Variants in LARGE1 observed in about 807,000 individuals in gnomAD.
LARGE1 encodes the protein xylosyl- and glucuronyltransferase LARGE1.
In LARGE1, 43 loss-of-function variants were observed where a neutral mutation model predicts 87.6. The ratio of observed to expected loss-of-function variants is 0.49; its 90% CI spans 0.38 to 0.63. LARGE1 has a LOEUF of 0.63. Among genes scored for constraint, LARGE1 ranks in the 30% least tolerant of loss-of-function variants. The probability of loss-of-function intolerance (pLI) is 0.00; values close to 1 mark genes in which losing one functional copy is unlikely to be tolerated. For synonymous variants in LARGE1, 434 were observed against 394.6 expected, an observed-to-expected ratio of 1.10 and a Z score of -1.18; for missense variants, 802 against 1,000.2, an observed-to-expected ratio of 0.80 and a Z score of 2.67.
intron 6 of LARGE1, among the ~76,000 whole-genome samples, chr22:33,561,147 C>G (rs1366643491): frequency 1.6e-4 from 24 of 152,208 alleles, no homozygotes. Context: ...AGCTCAGTGC[C>G]TAGAACCTAA....
At chr22:33,292,323 C>A (rs1191590368) in intron 12 of LARGE1, among the ~76,000 whole-genome samples, 4 of 151,698 alleles carry the variant, frequency 2.6e-5, no homozygotes, top group African/African-American at 9.7e-5. Context: ...TTCAAGAAAA[C>A]AAAATTAGAA....
chr22:33,552,663 G>A (rs1019309901), intron 6 of LARGE1, among the ~76,000 whole-genome samples: 2 of 152,256 alleles, frequency 1.3e-5, no homozygotes, highest in Admixed American at 1.3e-4. Flanking sequence ...GAGAGATATT[G>A]CTAATAAAAA....
At chr22:33,517,268 C>T (rs922292324) in intron 6 of LARGE1, among the ~76,000 whole-genome samples, 2 of 151,974 alleles carry the variant, frequency 1.3e-5, no homozygotes, top group African/African-American at 4.8e-5. Context: ...ATCCCTCAAC[C>T]CCTCCACACC....
chr22:33,430,679 A>AG (rs1245363248), intron 7 of LARGE1, among the ~76,000 whole-genome samples: 1 of 152,208 alleles, frequency 6.6e-6, no homozygotes, highest in Non-Finnish European at 1.5e-5. Context: ...CCGTCAATAC[A>AG]GGGCTCCCTG....
At chr22:33,269,261 G>A (rs1928119691), downstream of LARGE1, among the ~76,000 whole-genome samples, 1 of 152,162 alleles carries the variant, frequency 6.6e-6, no homozygotes, top group Admixed American at 6.5e-5. Flanking sequence ...TTTCCTGTTA[G>A]TTTTCAAACT....
intron 11 of LARGE1, among the ~76,000 whole-genome samples, chr22:33,205,810 C>A (rs959623417): frequency 5.3e-5 from 8 of 152,206 alleles, no homozygotes; most frequent in Admixed American, 2.0e-4. Flanking sequence ...GACAGAGTCT[C>A]GCTGTGATGC....
At chr22:33,223,127 C>T (rs1423836050) in intron 11 of LARGE1, among the ~76,000 whole-genome samples, 3 of 152,222 alleles carry the variant, frequency 2.0e-5, no homozygotes, top group East Asian at 1.9e-4. Flanking sequence ...ACCCACTTTA[C>T]TCCAGTATCA....
At chr22:33,166,977 A>G (rs1007568501) in intron 11 of LARGE1, 8 of 393,544 alleles carry the variant, frequency 2.0e-5, no homozygotes, top group Non-Finnish European at 3.6e-5. Flanking sequence ...CCCCTTCTCC[A>G]GTATATTTTT....
chr22:33,791,858 T>C (rs2085833830), intron 1 of LARGE1, among the ~76,000 whole-genome samples: 1 of 152,214 alleles, frequency 6.6e-6, no homozygotes, highest in Non-Finnish European at 1.5e-5. Flanking sequence ...ACTCTAAGTC[T>C]TGTGTCCAAG....
chr22:33,421,167 G>A (rs1356713458), intron 7 of LARGE1, among the ~76,000 whole-genome samples: 1 of 151,968 alleles, frequency 6.6e-6, no homozygotes, highest in Non-Finnish European at 1.5e-5. Context: ...CCAGCCTTGG[G>A]CGACAGAGTG....
chr22:33,897,549 A>C (rs1323063294), intron 1 of LARGE1, among the ~76,000 whole-genome samples: 1 of 152,192 alleles, frequency 6.6e-6, no homozygotes, highest in East Asian at 1.9e-4. Flanking sequence ...GGCAGCCCTT[A>C]TCTAGATCTA....
intron 6 of LARGE1, among the ~76,000 whole-genome samples, chr22:33,458,266 G>A (rs535881207): frequency 6.6e-5 from 10 of 151,368 alleles, no homozygotes; most frequent in African/African-American, 2.4e-4. Context: ...CACCACGCTC[G>A]GCTAATTTTT....
At chr22:33,837,381 T>C (rs1178993121) in intron 1 of LARGE1, among the ~76,000 whole-genome samples, 2 of 152,068 alleles carry the variant, frequency 1.3e-5, no homozygotes. Context: ...CATGTGTGTA[T>C]GTATATATAT....
At chr22:33,375,472 ACT>A (rs1247304810) in intron 9 of LARGE1, among the ~76,000 whole-genome samples, 2 of 150,374 alleles carry the variant, frequency 1.3e-5, no homozygotes, top group East Asian at 1.9e-4. Flanking sequence ...ACATGGTGAA[ACT>A]CTGTCTCTCC....
intron 11 of LARGE1, among the ~76,000 whole-genome samples, chr22:33,211,756 G>C (rs1479686716): frequency 6.6e-6 from 1 of 152,156 alleles, no homozygotes; most frequent in African/African-American, 2.4e-5. Flanking sequence ...CTGGGCAACA[G>C]AGTGAGACTC....
chr22:33,598,350 T>C lies in LARGE1; in HGVS notation c.615+6085A>G, dbSNP rs1056485847. Among the ~76,000 whole-genome samples the C allele has an allele frequency of 4.6e-5, 7 of 152,170 alleles. No individual in the cohort carries two copies. The South Asian group carries it at 6.2e-4, about 14-fold the overall frequency. On this transcript the variant is annotated intron_variant, in intron 5 of 14. Coordinates refer to ENST00000397394, the MANE Select transcript of LARGE1 (RefSeq NM_133642.5). ...TGAGAAACAGACCATGAGAGAACCATGTAAAACATGAGAAATGAAGTAAAT... is the reference window on the plus strand; with the variant it reads ...TGAGAAACAGACCATGAGAGAACCACGTAAAACATGAGAAATGAAGTAAAT...
chr22:33,612,005 C>A (rs1247436123), intron 4 of LARGE1, among the ~76,000 whole-genome samples: 2 of 152,210 alleles, frequency 1.3e-5, no homozygotes, highest in African/African-American at 2.4e-5. Flanking sequence ...CTGAGGCCTC[C>A]CCAGAGGCCG....
exon 12 of LARGE1, chr22:33,166,528 C>T (rs1234321562): frequency 1.2e-5 from 4 of 333,996 alleles, no homozygotes; most frequent in South Asian, 9.6e-5. Context: ...GGATGTTCAC[C>T]TGGCATGTAC....
chr22:33,527,634 T>C (rs1224860253), intron 6 of LARGE1, among the ~76,000 whole-genome samples: 1 of 152,082 alleles, frequency 6.6e-6, no homozygotes, highest in Non-Finnish European at 1.5e-5. Context: ...TGAGGTTCTC[T>C]GGCTCCTCTA....
Sources: allele counts gnomAD v4.1 joint callset (sites outside exome capture counted in the v4.1 genomes callset), GRCh38; gene constraint gnomAD v4.1.1; transcripts MANE v1.5; gene names NCBI Gene and HGNC (gene_info 2026-07-23, HGNC 2026-07-21).